FBXL2: variants seen among roughly 807,000 people sequenced by gnomAD.
The protein encoded by FBXL2 is F-box/LRR-repeat protein 2.
In FBXL2, 38 loss-of-function variants were observed where a neutral mutation model predicts 69.2. The ratio of observed to expected loss-of-function variants is 0.55; its 90% CI spans 0.42 to 0.72. The LOEUF (loss-of-function observed/expected upper bound fraction) is 0.72, where lower values mean the gene tolerates loss of function less well. FBXL2 is among the 30% of genes least tolerant of loss of function. The pLI, the probability that FBXL2 is intolerant of heterozygous loss-of-function variation, is 0.00. For synonymous variants in FBXL2, 192 were observed against 201.3 expected (o/e 0.95, Z 0.39); for missense variants, 354 against 520.3 (o/e 0.68, Z 3.11).
chr3:33,284,378 G>T (rs908183105), intron 1 of FBXL2, among the ~76,000 whole-genome samples: 2 of 152,172 alleles, frequency 1.3e-5, no homozygotes, highest in Non-Finnish European at 2.9e-5. Flanking sequence ...TCTTAATCCT[G>T]AGTTCTAGTT....
rs76331039 is a variant in FBXL2 at position 33,301,283 on chromosome 3, A to G, written c.65+3558A>G. On this transcript the variant is annotated intron_variant, in intron 2 of 14. Coordinates refer to ENST00000484457, the MANE Select transcript of FBXL2 (RefSeq NM_012157.5). The stretch of plus-strand genomic sequence containing the variant: ...ATTCACCTTCAGTCTTACTTCCTCA[A>G]TACATGTGAATTCTTTGACTTTGAG... 9.2e-4 allele frequency among the ~76,000 whole-genome samples: 140 copies of G among 152,172 alleles called. No homozygotes were observed. The East Asian group carries it at 0.023, about 25-fold the overall frequency.
At chr3:33,395,812 C>T (rs1408128608) in intron 12 of FBXL2, among the ~76,000 whole-genome samples, 7 of 141,626 alleles carry the variant, frequency 4.9e-5, no homozygotes, top group Non-Finnish European at 1.1e-4. Context: ...TTTTGTTAAG[C>T]TGCCAGTGTT....
chr3:33,297,707 C>A lies in FBXL2; in HGVS notation c.47C>A (p.Pro16His). 6.3e-7 allele frequency: 1 copy of A among 1,575,970 alleles called. No homozygotes were observed. Among genetic ancestry groups the A allele is most frequent in the South Asian group, 1.2e-5 (1 of 85,908 alleles). The change falls in exon 2 of 15, where the codon CCC (proline) becomes CAC (histidine). Residue 16 changes from proline (P) to histidine (H), a missense_variant. Physicochemically the swap from Pro to His is moderately conservative, Grantham distance 77 (BLOSUM62 -2). Transcript: ENST00000484457. ...NDEGLINKKLPKELLLRIFSF... is the reference protein window; with the variant it reads ...NDEGLINKKLHKELLLRIFSF... ...GAAGGCCTTATTAACAAAAAGTTAC[C>A]CAAAGAACTTCTGTTAAGGTAAATG...
At chr3:33,298,396 G>A (rs1012573294) in intron 2 of FBXL2, among the ~76,000 whole-genome samples, 3 of 152,200 alleles carry the variant, frequency 2.0e-5, no homozygotes, top group Admixed American at 1.3e-4. Context: ...TTAAGGCCAG[G>A]AGTGGTAGCT....
chr3:33,390,679 A>G, downstream of FBXL2: 1 of 362,254 alleles, frequency 2.8e-6, no homozygotes, highest in East Asian at 4.7e-5. Context: ...CCATAAGGGG[A>G]GCAAGAGCTA....
chr3:33,290,008 G>T (rs2035062641), intron 1 of FBXL2, among the ~76,000 whole-genome samples: 1 of 152,182 alleles, frequency 6.6e-6, no homozygotes, highest in African/African-American at 2.4e-5. Flanking sequence ...AGCAAAGAGA[G>T]ATCTCCTCAA....
the FBXL2 span, chr3:33,409,159 T>A: frequency 5.8e-6 from 8 of 1,385,372 alleles, no homozygotes; most frequent in Non-Finnish European, 8.1e-6. Flanking sequence ...AACCCTTTTG[T>A]AGCAGAACTC....
intron 2 of FBXL2, among the ~76,000 whole-genome samples, chr3:33,318,370 T>C (rs1254006846): frequency 6.6e-6 from 1 of 152,212 alleles, no homozygotes; most frequent in Non-Finnish European, 1.5e-5. Context: ...TTCCCTTTTA[T>C]TTCTGCTTGC....
At chr3:33,315,736 A>C (rs1190105945) in intron 2 of FBXL2, among the ~76,000 whole-genome samples, 1 of 152,144 alleles carries the variant, frequency 6.6e-6, no homozygotes, top group African/African-American at 2.4e-5. Flanking sequence ...ATTTTCTTAA[A>C]TTTAACTTAT....
rs143071283 is a variant in FBXL2 at position 33,316,147 on chromosome 3, T to C, written c.65+18422T>C. Among the ~76,000 whole-genome samples, 698 of 151,866 alleles carry C rather than the reference T, an allele frequency of 4.6e-3. 7 individuals carry two copies. Among genetic ancestry groups the C allele is most frequent in the African/African-American group, 0.016 (649 of 41,428 alleles). On this transcript the variant is annotated intron_variant, in intron 2 of 14. Coordinates refer to ENST00000484457, the MANE Select transcript of FBXL2 (RefSeq NM_012157.5). ...GATCTCAGCTCACTGCAACCTCTGC[T>C]TCCTGGGTTCAAGTGATTCTCTTGC...
At chr3:33,389,462 G>A (rs1244287246), downstream of FBXL2, 3 of 147,640 alleles carry the variant, frequency 2.0e-5, no homozygotes, top group African/African-American at 7.6e-5. Context: ...ATGTTTAATA[G>A]GATGGTGGGG....
chr3:33,282,811 T>C (rs560983575), intron 1 of FBXL2, among the ~76,000 whole-genome samples: 28 of 152,324 alleles, frequency 1.8e-4, no homozygotes, highest in African/African-American at 6.7e-4. Context: ...TTGAAACAAT[T>C]GTGAATGGGA....
intron 2 of FBXL2, among the ~76,000 whole-genome samples, chr3:33,330,849 A>G (rs1394768391): frequency 6.6e-6 from 1 of 152,000 alleles, no homozygotes; most frequent in Non-Finnish European, 1.5e-5. Flanking sequence ...AGATCATGCC[A>G]CTACACTCCA....
intron 2 of FBXL2, among the ~76,000 whole-genome samples, chr3:33,330,107 ACT>A (rs1409648304): frequency 1.3e-5 from 2 of 151,834 alleles, no homozygotes; most frequent in Non-Finnish European, 2.9e-5. Context: ...ACATGGCAAA[ACT>A]CTGTCTCTAG....
intron 2 of FBXL2, among the ~76,000 whole-genome samples, chr3:33,333,214 AC>A (rs1236548131): frequency 2.6e-5 from 4 of 152,168 alleles, no homozygotes; most frequent in Admixed American, 2.0e-4. Flanking sequence ...TTTTAAAAAA[AC>A]AAAATGTAAC....
chr3:33,386,471 G>A lies in FBXL2; in HGVS notation c.*863G>A, dbSNP rs556829443. ...AATTAGAAGTAATGAATGGATGCAT[G>A]TAAAATGGATGTGATTTTTTTTCAA... On this transcript the variant is annotated 3_prime_UTR_variant, in exon 15 of 15. Coordinates refer to ENST00000484457, the MANE Select transcript of FBXL2 (RefSeq NM_012157.5). The A allele has an allele frequency of 6.6e-6, 1 of 152,142 alleles. No individual in the cohort carries two copies. Among genetic ancestry groups the A allele is most frequent in the Non-Finnish European group, 1.5e-5 (1 of 67,968 alleles). 9.4% of individuals were successfully genotyped at this position (152,142 alleles called of 1,614,324 possible).
chr3:33,371,875 C>T (rs991391048), intron 5 of FBXL2, among the ~76,000 whole-genome samples: 2 of 152,102 alleles, frequency 1.3e-5, no homozygotes, highest in African/African-American at 2.4e-5. Context: ...TAATTATGCG[C>T]CACTCCTAAA....
chr3:33,344,828 GA>G (rs1229057978), intron 2 of FBXL2, among the ~76,000 whole-genome samples: 1 of 152,078 alleles, frequency 6.6e-6, no homozygotes, highest in Non-Finnish European at 1.5e-5. Flanking sequence ...ATTAAGAAAA[GA>G]AAGAAGGCAC....
intron 13 of FBXL2, among the ~76,000 whole-genome samples, chr3:33,382,096 T>TA (rs1265116813): frequency 6.6e-6 from 1 of 152,188 alleles, no homozygotes; most frequent in Non-Finnish European, 1.5e-5. Context: ...TCTGCAGGAA[T>TA]ACCTTACACC....
Sources: gnomAD v4.1 joint callset for allele counts (sites outside exome capture counted in the v4.1 genomes callset) on GRCh38, gnomAD v4.1.1 for gene constraint, MANE v1.5 for transcripts, NCBI Gene and HGNC (gene_info 2026-07-23, HGNC 2026-07-21) for gene names.